KLHL5: variants seen among roughly 807,000 people sequenced by gnomAD.
KLHL5 encodes kelch-like protein 5.
In KLHL5, 48 loss-of-function variants were observed where a neutral mutation model predicts 77.7. That is an observed-to-expected ratio of 0.62 (90% CI 0.49 to 0.79). KLHL5 has a LOEUF of 0.79. KLHL5 is among the 30% of genes least tolerant of loss of function. KLHL5 has a pLI of 0.00. For missense variants in KLHL5, 723 were observed against 859.7 expected (o/e 0.84, Z 1.99); for synonymous variants, 260 against 297.0 (o/e 0.88, Z 1.28).
At chr4:39,068,918 T>C (rs867353235) in intron 1 of KLHL5, among the ~76,000 whole-genome samples, 3 of 152,198 alleles carry the variant, frequency 2.0e-5, no homozygotes, top group Non-Finnish European at 4.4e-5. Context: ...GCTAAAATGA[T>C]ATAACAAAGA....
chr4:39,058,437 G>A (rs1717150641), upstream of KLHL5, among the ~76,000 whole-genome samples: 3 of 152,032 alleles, frequency 2.0e-5, no homozygotes. Context: ...ACCAGCCTGG[G>A]CAACATGGCA....
At position 39,081,217 on chromosome 4, in the gene KLHL5, C is replaced by T; in HGVS notation, c.681C>T (p.Ser227=). ...MEGVEPNSLW[S]LIQYAYTGRL... is the part of the protein sequence containing the mutation. ...GTGTAGAACCAAATTCGTTGTGGTCCTTGATCCAGTATGCTTATACAGGTA... is the reference window on the plus strand; with the variant it reads ...GTGTAGAACCAAATTCGTTGTGGTCTTTGATCCAGTATGCTTATACAGGTA... Residue 227 remains serine (S), a synonymous_variant, in exon 3 of 11, where the codon TCC becomes TCT. Transcript: ENST00000504108. The surrounding 1 kb of genome is among the most constrained non-coding windows in gnomAD (Gnocchi z 4.3). 1.2e-6 allele frequency: 2 copies of T among 1,612,130 alleles called. No individual in the cohort carries two copies. The highest frequency in any genetic ancestry group is 1.7e-6 in the Non-Finnish European group (2 of 1,179,158).
At chr4:39,138,895 G>C in the KLHL5 span, among the ~76,000 whole-genome samples, 1 of 152,162 alleles carries the variant, frequency 6.6e-6, no homozygotes, top group African/African-American at 2.4e-5. Context: ...TCGTTTTAAA[G>C]TAGCTCCCCC....
At chr4:39,075,286 G>A (rs375298522) in intron 1 of KLHL5, among the ~76,000 whole-genome samples, 123 of 151,354 alleles carry the variant, frequency 8.1e-4, no homozygotes, top group African/African-American at 2.9e-3. Flanking sequence ...AGACGAGATC[G>A]CGCCATTGCA....
At chr4:39,047,624 C>A (rs1716297401) in intron 1 of KLHL5, among the ~76,000 whole-genome samples, 1 of 152,156 alleles carries the variant, frequency 6.6e-6, no homozygotes, top group Non-Finnish European at 1.5e-5. Flanking sequence ...TTTCACATTT[C>A]TTCATTGTTC....
At chr4:39,114,217 T>C (rs768217241) in intron 9 of KLHL5, among the ~76,000 whole-genome samples, 8 of 152,132 alleles carry the variant, frequency 5.3e-5, no homozygotes, top group African/African-American at 1.2e-4. Context: ...AAGTTCAAGA[T>C]TGGGAGGCTG....
rs1347524263 is a variant in KLHL5 at position 39,124,842 on chromosome 4, T to C, written c.*3776T>C. Among the ~76,000 whole-genome samples the C allele has an allele frequency of 9.8e-6, 1 of 102,158 alleles. No individual in the cohort carries two copies. The highest frequency in any genetic ancestry group is 2.3e-5 in the Non-Finnish European group (1 of 44,074). The allele number at this position is 102,158 out of a possible 152,430, so 67.0% of individuals were successfully genotyped here. A position where few individuals can be genotyped will look rare whatever the true frequency, so the allele number is the denominator to read the frequency against. ...AAAAAAAAAATCAAAATTAAAAGCT[T>C]CTACATATCAAGGGACACTATGAAG... is the stretch of plus-strand genomic sequence containing the variant. On this transcript the variant is annotated 3_prime_UTR_variant, in exon 11 of 11. Coordinates refer to ENST00000504108, the MANE Select transcript of KLHL5 (RefSeq NM_015990.5).
chr4:39,102,384 T>TA (rs542878375), intron 6 of KLHL5, among the ~76,000 whole-genome samples: 31,034 of 132,938 alleles, frequency 0.23, 3,557 homozygotes, highest in East Asian at 0.34. Flanking sequence ...TTCCAATTCT[T>TA]AAAAAAAAAA....
intron 6 of KLHL5, 86 bp downstream of exon 6, chr4:39,096,964 A>C: frequency 1.8e-6 from 2 of 1,130,216 alleles, no homozygotes; most frequent in Non-Finnish European, 2.6e-6. Flanking sequence ...AACTCTTTGG[A>C]GAAATGGCTG....
At chr4:39,140,986 G>T in the KLHL5 span, among the ~76,000 whole-genome samples, 23 of 152,308 alleles carry the variant, frequency 1.5e-4, no homozygotes, top group East Asian at 3.9e-4. Flanking sequence ...TCAAATTTTT[G>T]AGTTTAAGGT....
intron 2 of KLHL5, among the ~76,000 whole-genome samples, 174 bp downstream of exon 2, chr4:39,076,321 A>AGC (rs1719034163): frequency 6.6e-6 from 1 of 152,192 alleles, no homozygotes; most frequent in African/African-American, 2.4e-5. Context: ...GTGATCCTAA[A>AGC]AGGGTCATTT....
At chr4:39,113,314 G>A in intron 9 of KLHL5, 82 bp downstream of exon 9, 2 of 1,122,426 alleles carry the variant, frequency 1.8e-6, no homozygotes, top group South Asian at 1.6e-5. Context: ...AGAACGTGTT[G>A]GAGAATTGGA....
chr4:39,093,769 G>T (rs1181247579), intron 5 of KLHL5, among the ~76,000 whole-genome samples: 1 of 152,024 alleles, frequency 6.6e-6, no homozygotes, highest in East Asian at 1.9e-4. Context: ...AGCTGGATGT[G>T]GTGGTGCATG....
At chr4:39,112,212 C>T (rs1375508285) in intron 8 of KLHL5, among the ~76,000 whole-genome samples, 1 of 152,160 alleles carries the variant, frequency 6.6e-6, no homozygotes, top group African/African-American at 2.4e-5. Context: ...CAAATTAGTG[C>T]AGTGTATTGA....
intron 4 of KLHL5, among the ~76,000 whole-genome samples, chr4:39,084,381 G>C (rs1560422231): frequency 6.6e-6 from 1 of 152,068 alleles, no homozygotes; most frequent in Non-Finnish European, 1.5e-5. Flanking sequence ...TCTTAAGACT[G>C]GTTGTATGAT....
At chr4:39,059,155 G>A (rs1480148168), upstream of KLHL5, among the ~76,000 whole-genome samples, 3 of 151,332 alleles carry the variant, frequency 2.0e-5, no homozygotes, top group East Asian at 1.9e-4. Flanking sequence ...GAAAGTTGTC[G>A]GAACAGAAAA....
chr4:39,097,058 T>C (rs192011356), intron 6 of KLHL5, among the ~76,000 whole-genome samples, 180 bp downstream of exon 6: 1 of 152,258 alleles, frequency 6.6e-6, no homozygotes, highest in African/African-American at 2.4e-5. Context: ...CAAAGAATGA[T>C]GGAGATAGGT....
intron 5 of KLHL5, among the ~76,000 whole-genome samples, chr4:39,090,217 T>G (rs996237195): frequency 6.6e-6 from 1 of 152,150 alleles, no homozygotes; most frequent in African/African-American, 2.4e-5. Flanking sequence ...TGGGATTAGG[T>G]CTGTTTACCA....
intron 6 of KLHL5, among the ~76,000 whole-genome samples, chr4:39,099,083 G>A (rs1721327192): frequency 6.6e-6 from 1 of 152,014 alleles, no homozygotes; most frequent in Non-Finnish European, 1.5e-5. Flanking sequence ...GGGAGGTTGA[G>A]ACCAGCCTGG....
Sources: gnomAD v4.1 joint callset for allele counts (sites outside exome capture counted in the v4.1 genomes callset) on GRCh38, gnomAD v4.1.1 for gene constraint, Gnocchi (gnomAD v3.1) non-coding constraint, MANE v1.5 for transcripts, NCBI Gene and HGNC (gene_info 2026-07-23, HGNC 2026-07-21) for gene names.